ATP6V0D2: variants seen among roughly 807,000 people sequenced by gnomAD.
The protein encoded by ATP6V0D2 is V-type proton ATPase subunit d 2.
A neutral mutation model predicts 40.0 loss-of-function variants in ATP6V0D2; 40 were observed. The observed-to-expected ratio is 1.00, with a 90% CI of 0.78 to 1.30. The LOEUF (loss-of-function observed/expected upper bound fraction) is 1.30. Among genes scored for constraint, ATP6V0D2 ranks in the 50% most tolerant of loss-of-function variants. The pLI is 0.00. For synonymous variants in ATP6V0D2, 179 were observed against 156.3 expected (o/e 1.15, Z -1.08); for missense variants, 470 against 423.1 (o/e 1.11, Z -0.97).
intron 2 of ATP6V0D2, among the ~76,000 whole-genome samples, chr8:86,123,047 G>A (rs1818693841): frequency 6.6e-6 from 1 of 152,196 alleles, no homozygotes; most frequent in African/African-American, 2.4e-5. Flanking sequence ...CACGCTGTAA[G>A]GGGAGAAGTA....
chr8:86,151,978 G>A (rs758154475), intron 7 of ATP6V0D2, among the ~76,000 whole-genome samples: 1 of 151,954 alleles, frequency 6.6e-6, no homozygotes, highest in Non-Finnish European at 1.5e-5. Flanking sequence ...AGAATGTGCA[G>A]GTTTTGTTAT....
At chr8:86,122,178 TA>T (rs1011663586) in intron 2 of ATP6V0D2, among the ~76,000 whole-genome samples, 4 of 152,292 alleles carry the variant, frequency 2.6e-5, no homozygotes, top group Admixed American at 2.6e-4. Flanking sequence ...GGCATCTTTT[TA>T]AAAATAATCT....
rs540437867 is a variant in ATP6V0D2, at chr8:86,110,439, T to G, written c.131-3270T>G. Reference sequence around the variant, plus strand: ...TATTAATTGTGGTATCAACCAAAATTAAGTTTGTTGAGGCAGAAATAGTTC... The same window carrying G: ...TATTAATTGTGGTATCAACCAAAATGAAGTTTGTTGAGGCAGAAATAGTTC... On this transcript the variant is annotated intron_variant, in intron 1 of 7. Transcript: ENST00000285393. Among the ~76,000 whole-genome samples, 18 of 152,322 alleles carry G rather than the reference T, an allele frequency of 1.2e-4. No homozygotes were observed. The South Asian group carries it at 3.3e-3, about 28-fold the overall frequency.
chr8:86,115,605 G>A (rs908415644), intron 2 of ATP6V0D2, among the ~76,000 whole-genome samples: 3 of 151,492 alleles, frequency 2.0e-5, no homozygotes, highest in Admixed American at 2.0e-4. Context: ...TCCAACCGCA[G>A]GTAATCCTCC....
Position 86,145,304 on chromosome 8 carries a change from A to G in ATP6V0D2, c.639+2350A>G, listed in dbSNP as rs1476725449. The stretch of plus-strand genomic sequence containing the variant: ...AAGAAAGAAAGAAAGAAAGAAAGAA[A>G]GAAAGAAAAGAAAGAAGGAAAGAAG... On this transcript the variant is annotated intron_variant, in intron 5 of 7. Coordinates refer to ENST00000285393, the MANE Select transcript of ATP6V0D2 (RefSeq NM_152565.1). Among the ~76,000 whole-genome samples, 42 of 106,676 alleles carry G rather than the reference A, an allele frequency of 3.9e-4. 3 individuals carry two copies. The highest frequency in any genetic ancestry group is 9.9e-4 in the African/African-American group (28 of 28,298). The allele number at this position is 106,676 out of a possible 152,430, so 70.0% of individuals were successfully genotyped here.
At chr8:86,148,386 C>T in intron 5 of ATP6V0D2, among the ~76,000 whole-genome samples, 1 of 152,270 alleles carries the variant, frequency 6.6e-6, no homozygotes, top group Non-Finnish European at 1.5e-5. Flanking sequence ...TCAGATGGAA[C>T]TAACTCTCAC....
intron 2 of ATP6V0D2, among the ~76,000 whole-genome samples, chr8:86,133,443 C>G (rs1398448855): frequency 2.0e-5 from 3 of 150,930 alleles, no homozygotes; most frequent in African/African-American, 7.3e-5. Context: ...CTGCCTCAGC[C>G]TCCCGAGTAG....
intron 5 of ATP6V0D2, among the ~76,000 whole-genome samples, chr8:86,147,032 T>A (rs1179955392): frequency 1.3e-5 from 2 of 152,096 alleles, no homozygotes; most frequent in East Asian, 3.9e-4. Context: ...TTGACTTATG[T>A]TCAAGGCAAA....
chr8:86,103,856 C>T (rs113860940), intron 1 of ATP6V0D2, among the ~76,000 whole-genome samples: 2,939 of 152,052 alleles, frequency 0.019, 93 homozygotes, highest in African/African-American at 0.067. Flanking sequence ...GACAGAGTCT[C>T]ACTCTGTCAC....
chr8:86,152,826 A>G lies in ATP6V0D2; in HGVS notation c.902A>G (p.Asn301Ser). ...DVFYEREVQMNVLAFNRQFHY... is the reference protein window; with the variant it reads ...DVFYEREVQMSVLAFNRQFHY... Reference sequence around the variant, plus strand: ...TTTTTCTTTCCTCAGGTACAAATGAATGTGCTGGCATTCAACAGACAGTTC... The same window carrying G: ...TTTTTCTTTCCTCAGGTACAAATGAGTGTGCTGGCATTCAACAGACAGTTC... The change falls in exon 8 of 8, where the codon AAT becomes AGT. Residue 301 changes from asparagine to serine, a missense_variant. By Grantham distance (46) the Asn-to-Ser change is conservative (BLOSUM62 1). Transcript: ENST00000285393. The G allele has an allele frequency of 1.3e-6, 2 of 1,593,710 alleles. No homozygotes were observed. The highest frequency in any genetic ancestry group is 1.7e-6 in the Non-Finnish European group (2 of 1,174,184).
intron 5 of ATP6V0D2, among the ~76,000 whole-genome samples, chr8:86,145,408 GAA>G (rs1563566414): frequency 4.0e-5 from 6 of 151,806 alleles, no homozygotes; most frequent in African/African-American, 1.4e-4. Flanking sequence ...GAAAAGAAAA[GAA>G]AAGAAAAGAC....
At chr8:86,115,271 C>A (rs931181282) in intron 2 of ATP6V0D2, among the ~76,000 whole-genome samples, 3 of 150,950 alleles carry the variant, frequency 2.0e-5, no homozygotes, top group Non-Finnish European at 4.4e-5. Flanking sequence ...CCTCAAGGAG[C>A]AGGGAATGAA....
intron 1 of ATP6V0D2, among the ~76,000 whole-genome samples, chr8:86,101,773 C>T (rs1818402273): frequency 6.6e-6 from 1 of 152,156 alleles, no homozygotes; most frequent in African/African-American, 2.4e-5. Context: ...ATTTTCCATA[C>T]AGCGTCAGGG....
intron 7 of ATP6V0D2, among the ~76,000 whole-genome samples, chr8:86,152,065 T>A (rs1202956774): frequency 2.0e-5 from 3 of 152,064 alleles, no homozygotes; most frequent in Admixed American, 1.3e-4. Flanking sequence ...CCTAATGCTA[T>A]CCCTCCCCTA....
chr8:86,118,798 A>G (rs1036176687), intron 2 of ATP6V0D2, among the ~76,000 whole-genome samples: 16 of 152,176 alleles, frequency 1.1e-4, no homozygotes, highest in Non-Finnish European at 2.4e-4. Flanking sequence ...ATTAGGTTGG[A>G]AAGCTAAGTG....
intron 2 of ATP6V0D2, among the ~76,000 whole-genome samples, chr8:86,125,852 C>T (rs1338246931): frequency 1.3e-5 from 2 of 151,398 alleles, no homozygotes; most frequent in East Asian, 3.9e-4. Flanking sequence ...AAAATGTAAT[C>T]TATTATAATT....
In ATP6V0D2 at chr8:86,118,029, T is replaced by TC. The variant is rs200578728; in HGVS notation, c.302+4149_302+4150insC. Among the ~76,000 whole-genome samples the TC allele has an allele frequency of 6.7e-4, 100 of 150,146 alleles. No individual in the cohort carries two copies. The East Asian group carries it at 0.014, about 22-fold the overall frequency. ...TTCTTTCTTTCTTTCTTTCTTTCTT[T>TC]TTTTTTCTTTCTTTCTTCTTTCTTT... On this transcript the variant is annotated intron_variant, in intron 2 of 7. Coordinates refer to ENST00000285393, the MANE Select transcript of ATP6V0D2 (RefSeq NM_152565.1).
At chr8:86,121,112 T>C (rs557650627) in intron 2 of ATP6V0D2, among the ~76,000 whole-genome samples, 4 of 152,302 alleles carry the variant, frequency 2.6e-5, no homozygotes, top group African/African-American at 7.2e-5. Flanking sequence ...CAGTTACCTA[T>C]ACAGATAGCA....
chr8:86,144,013 T>C (rs1819014221), intron 5 of ATP6V0D2, among the ~76,000 whole-genome samples: 1 of 152,176 alleles, frequency 6.6e-6, no homozygotes, highest in Non-Finnish European at 1.5e-5. Flanking sequence ...CATTCCAGCT[T>C]TTGGCAGGAA....
Sources: allele counts gnomAD v4.1 joint callset (sites outside exome capture counted in the v4.1 genomes callset), GRCh38; gene constraint gnomAD v4.1.1; transcripts MANE v1.5; gene names NCBI Gene and HGNC (gene_info 2026-07-23, HGNC 2026-07-21).